The following NBEA variants were observed in gnomAD, a reference collection of about 807,000 sequenced individuals.
The protein encoded by NBEA is neurobeachin.
A neutral mutation model predicts 343.4 loss-of-function variants in NBEA; 44 were observed. The observed-to-expected ratio is 0.13, with a 90% confidence interval of 0.10 to 0.16. The LOEUF (loss-of-function observed/expected upper bound fraction) is 0.16. Among genes scored for constraint, NBEA ranks in the 10% least tolerant of loss-of-function variants. The pLI is 1.00. For synonymous variants in NBEA, 1,175 were observed against 1,238.7 expected, an observed-to-expected ratio of 0.95 and a Z score of 1.08; for missense variants, 2,555 against 3,631.3, an observed-to-expected ratio of 0.70 and a Z score of 7.62.
chr13:35,432,387 G>C lies in NBEA; in HGVS notation c.6298G>C (p.Glu2100Gln). The change falls in exon 39 of 59, where the codon GAA becomes CAA. Residue 2100 changes from glutamate (E) to glutamine (Q), a missense_variant. Glu to Gln is a conservative substitution (Grantham distance 29, BLOSUM62 2). This residue lies in a region of NBEA where 246 missense variants were observed against 313.7 expected (regional missense o/e 0.78). Coordinates refer to ENST00000379939, the MANE Select transcript of NBEA (RefSeq NM_001385012.1). ...HAEALLKAAI[E>Q]YGTEEDVVKS... ...TGAAGCATTGCTGAAAGCTGCAATA[G>C]AATATGGTTAGTACCAATGCTTCTT... 6.2e-7 allele frequency: 1 copy of C among 1,604,768 alleles called. No homozygotes were observed. The highest frequency in any genetic ancestry group is 8.5e-7 in the Non-Finnish European group (1 of 1,175,256).
chr13:35,080,343 G>A (rs1448009691), intron 10 of NBEA, among the ~76,000 whole-genome samples: 1 of 152,102 alleles, frequency 6.6e-6, no homozygotes, highest in Non-Finnish European at 1.5e-5. Context: ...GTCCTTTGCA[G>A]GATCATTTTG....
At chr13:35,399,939 G>T (rs2042918090) in intron 38 of NBEA, among the ~76,000 whole-genome samples, 1 of 152,022 alleles carries the variant, frequency 6.6e-6, no homozygotes, top group Non-Finnish European at 1.5e-5. Flanking sequence ...CAACCAGTTG[G>T]TGTAGCAGTC....
intron 41 of NBEA, among the ~76,000 whole-genome samples, chr13:35,500,714 C>CT (rs35555952): frequency 5.6e-4 from 55 of 97,858 alleles, no homozygotes; most frequent in African/African-American, 2.2e-3. Context: ...CCTGGCTCTT[C>CT]TTTTTTTTTT....
chr13:35,339,390 G>C (rs1454956013), intron 36 of NBEA, among the ~76,000 whole-genome samples: 1 of 151,950 alleles, frequency 6.6e-6, no homozygotes, highest in Non-Finnish European at 1.5e-5. Context: ...AAATTAAGAA[G>C]ATGGTTCCAT....
chr13:35,451,933 GA>G (rs2046332428), intron 39 of NBEA, among the ~76,000 whole-genome samples, 158 bp from the exon 40 acceptor site: 1 of 152,096 alleles, frequency 6.6e-6, no homozygotes, highest in Non-Finnish European at 1.5e-5. Flanking sequence ...GTTTCTCACA[GA>G]AAACCAAACA....
intron 1 of NBEA, among the ~76,000 whole-genome samples, chr13:34,979,680 C>T (rs2060293559): frequency 1.3e-5 from 2 of 151,870 alleles, no homozygotes; most frequent in Non-Finnish European, 2.9e-5. Context: ...TGTATATTTT[C>T]TTTTTACTTA....
chr13:35,300,330 C>A lies in NBEA; in HGVS notation c.5839-9198C>A, dbSNP rs561457019. Among the ~76,000 whole-genome samples, 1,189 of 152,064 alleles carry A rather than the reference C, an allele frequency of 7.8e-3. 20 individuals carry two copies. The highest frequency in any genetic ancestry group is 0.027 in the African/African-American group (1,139 of 41,476). ...CAAAGCGAGACTCTGTCTCAAAAAA[C>A]AAGAAAAACAAGTATTTTTTGAAAT... On this transcript the variant is annotated intron_variant, in intron 35 of 58. Coordinates refer to ENST00000379939, the MANE Select transcript of NBEA (RefSeq NM_001385012.1).
At chr13:35,220,302 T>G (rs2074293395) in intron 33 of NBEA, among the ~76,000 whole-genome samples, 1 of 152,194 alleles carries the variant, frequency 6.6e-6, no homozygotes, top group Non-Finnish European at 1.5e-5. Context: ...TCATTTTTTG[T>G]TGCTCATCAT....
At chr13:35,414,431 C>G (rs2043778306) in intron 38 of NBEA, among the ~76,000 whole-genome samples, 1 of 151,556 alleles carries the variant, frequency 6.6e-6, no homozygotes, top group African/African-American at 2.4e-5. Context: ...CACCCTGTGT[C>G]TAACTGTTGT....
intron 18 of NBEA, among the ~76,000 whole-genome samples, chr13:35,148,352 A>G (rs1329794923): frequency 6.6e-6 from 1 of 152,210 alleles, no homozygotes; most frequent in African/African-American, 2.4e-5. Flanking sequence ...TTGACACTAC[A>G]GAGTTGAGTA....
In NBEA at chr13:34,945,526, C is replaced by T. The variant is rs575257207; in HGVS notation, c.294+2412C>T. On this transcript the variant is annotated intron_variant, in intron 1 of 58. Transcript: ENST00000379939. ...AATTCATATAGGACACTCAGTGACT[C>T]GTTAGAGTTTGGAAACCTTTAATAT... 3.3e-5 allele frequency among the ~76,000 whole-genome samples: 5 copies of T among 152,082 alleles called. No homozygotes were observed. In the East Asian group the frequency reaches 7.7e-4, roughly 23 times the overall value.
intron 38 of NBEA, among the ~76,000 whole-genome samples, chr13:35,397,562 A>G (rs906656061): frequency 2.0e-5 from 3 of 152,154 alleles, no homozygotes; most frequent in Admixed American, 6.6e-5. Context: ...GCTCCTAGAA[A>G]TAGTGCCTGT....
At chr13:35,173,052 A>G (rs1242876745) in intron 26 of NBEA, among the ~76,000 whole-genome samples, 1 of 152,158 alleles carries the variant, frequency 6.6e-6, no homozygotes, top group Non-Finnish European at 1.5e-5. Flanking sequence ...TGCTCAGTAG[A>G]GTCGACAAGA....
intron 49 of NBEA, among the ~76,000 whole-genome samples, chr13:35,645,591 A>C (rs995353314): frequency 1.2e-4 from 18 of 152,130 alleles, no homozygotes; most frequent in Non-Finnish European, 1.5e-4. Context: ...AGGAAGATTT[A>C]TTTCTTTTTT....
intron 36 of NBEA, among the ~76,000 whole-genome samples, chr13:35,313,463 T>C (rs2037505965): frequency 6.6e-6 from 1 of 152,146 alleles, no homozygotes; most frequent in Admixed American, 6.6e-5. Context: ...ATTGAAAGCA[T>C]AAAGAAAAGA....
chr13:35,180,014 T>C (rs1241005008), intron 28 of NBEA, among the ~76,000 whole-genome samples: 1 of 151,760 alleles, frequency 6.6e-6, no homozygotes, highest in Non-Finnish European at 1.5e-5. Flanking sequence ...AGATTTTGTG[T>C]ATTTTGGTCA....
At chr13:35,315,359 T>G (rs941470035) in intron 36 of NBEA, among the ~76,000 whole-genome samples, 4 of 152,124 alleles carry the variant, frequency 2.6e-5, no homozygotes, top group Admixed American at 2.0e-4. Flanking sequence ...CCGGCTGAAA[T>G]TATACACTGG....
chr13:34,952,006 G>C (rs1335760455), intron 1 of NBEA, among the ~76,000 whole-genome samples: 1 of 152,094 alleles, frequency 6.6e-6, no homozygotes, highest in East Asian at 1.9e-4. Context: ...CTAACCCTCA[G>C]AATAATTTCC....
At chr13:35,648,359 T>C (rs1005958669) in intron 51 of NBEA, among the ~76,000 whole-genome samples, 1 of 152,058 alleles carries the variant, frequency 6.6e-6, no homozygotes, top group African/African-American at 2.4e-5. Flanking sequence ...AGCCACATTG[T>C]AGACATAGAG....
Sources: allele counts gnomAD v4.1 joint callset (sites outside exome capture counted in the v4.1 genomes callset), GRCh38; gene constraint gnomAD v4.1.1; regional missense constraint gnomAD v4.1.1; transcripts MANE v1.5; gene names NCBI Gene and HGNC (gene_info 2026-07-23, HGNC 2026-07-21).